The following GMDS variants were observed in gnomAD, a reference collection of about 807,000 sequenced individuals.
GMDS encodes GDP-mannose 4,6-dehydratase, also known as GDP-mannose 4,6 dehydratase.
A neutral mutation model predicts 49.9 loss-of-function variants in GMDS; 20 were observed. That is an observed-to-expected ratio of 0.40 (90% CI 0.28 to 0.58). The LOEUF is 0.58. Ranked by LOEUF, GMDS falls within the 20% of genes least tolerant of loss-of-function variation. The probability of loss-of-function intolerance (pLI) is 0.42; values close to 1 mark genes in which losing one functional copy is unlikely to be tolerated. For synonymous variants in GMDS, 177 were observed against 178.6 expected, an observed-to-expected ratio of 0.99 and a Z score of 0.07; for missense variants, 362 against 481.4, an observed-to-expected ratio of 0.75 and a Z score of 2.32.
At chr6:1,939,911 G>T (rs959331116) in intron 6 of GMDS, among the ~76,000 whole-genome samples, 2 of 152,234 alleles carry the variant, frequency 1.3e-5, no homozygotes, top group African/African-American at 4.8e-5. Flanking sequence ...TGCCGTAGAC[G>T]TAAGGAAGAA....
chr6:2,002,069 C>T (rs1238139602), intron 4 of GMDS, among the ~76,000 whole-genome samples: 1 of 152,114 alleles, frequency 6.6e-6, no homozygotes, highest in Non-Finnish European at 1.5e-5. Flanking sequence ...TGAATAATCA[C>T]AATTGTTTAA....
intron 7 of GMDS, among the ~76,000 whole-genome samples, chr6:1,828,652 A>T (rs1186010796): frequency 6.6e-6 from 1 of 152,244 alleles, no homozygotes; most frequent in East Asian, 1.9e-4. Flanking sequence ...CAAAGTGCTA[A>T]AACAAAAACA....
chr6:1,945,682 G>T (rs1412033674), intron 6 of GMDS, among the ~76,000 whole-genome samples: 1 of 152,140 alleles, frequency 6.6e-6, no homozygotes, highest in South Asian at 2.1e-4. Context: ...GGCTGAGGCA[G>T]GAAGATTGCT....
chr6:2,062,138 C>T (rs1771218180), intron 4 of GMDS, among the ~76,000 whole-genome samples: 1 of 152,152 alleles, frequency 6.6e-6, no homozygotes, highest in African/African-American at 2.4e-5. Flanking sequence ...ATATTCCCTG[C>T]AGCAGGTCCT....
intron 1 of GMDS, among the ~76,000 whole-genome samples, chr6:2,200,493 G>A (rs1779466658): frequency 6.7e-6 from 1 of 149,964 alleles, no homozygotes; most frequent in South Asian, 2.1e-4. Flanking sequence ...AGCACCACAT[G>A]GACATCCGAG....
chr6:2,136,815 A>C (rs1255178869), intron 1 of GMDS, among the ~76,000 whole-genome samples: 3 of 151,912 alleles, frequency 2.0e-5, no homozygotes, highest in African/African-American at 7.2e-5. Context: ...GGACAGGAGA[A>C]TTGCCTGAGC....
intron 4 of GMDS, among the ~76,000 whole-genome samples, chr6:2,065,061 T>C (rs9503085): frequency 0.043 from 6,556 of 151,896 alleles, 283 homozygotes; most frequent in East Asian, 0.12. Flanking sequence ...TCTCCCAGCA[T>C]GCAGCTGGAG....
intron 7 of GMDS, among the ~76,000 whole-genome samples, chr6:1,802,974 G>C (rs1282364547): frequency 6.6e-6 from 1 of 152,200 alleles, no homozygotes; most frequent in East Asian, 1.9e-4. Flanking sequence ...GATAGCTGGA[G>C]AGCCACAATA....
At chr6:2,181,204 G>T (rs72830174) in intron 1 of GMDS, among the ~76,000 whole-genome samples, 1 of 146,990 alleles carries the variant, frequency 6.8e-6, no homozygotes, top group Non-Finnish European at 1.5e-5. Context: ...AAGACAGATC[G>T]ATGAAATTCC....
chr6:1,915,720 C>A (rs989290449), intron 7 of GMDS, among the ~76,000 whole-genome samples: 3 of 152,142 alleles, frequency 2.0e-5, no homozygotes, highest in Non-Finnish European at 4.4e-5. Flanking sequence ...ACTCAGCAAG[C>A]CTCTCTCTCT....
At chr6:2,051,109 T>C (rs1347743278) in intron 4 of GMDS, among the ~76,000 whole-genome samples, 1 of 151,464 alleles carries the variant, frequency 6.6e-6, no homozygotes, top group Admixed American at 6.6e-5. Context: ...AAATACAATT[T>C]AAAAAAAACA....
intron 8 of GMDS, among the ~76,000 whole-genome samples, chr6:1,729,076 C>G (rs2113449526): frequency 6.6e-6 from 1 of 152,296 alleles, no homozygotes; most frequent in East Asian, 1.9e-4. Context: ...TCACCCTCAG[C>G]TGAAGGAAAG....
intron 4 of GMDS, among the ~76,000 whole-genome samples, chr6:2,027,816 C>G (rs1476243016): frequency 2.0e-5 from 3 of 152,076 alleles, no homozygotes; most frequent in Admixed American, 6.5e-5. Context: ...ACAAAATGAT[C>G]TGCAAAATTT....
chr6:2,039,382 C>T (rs1769512205), intron 4 of GMDS, among the ~76,000 whole-genome samples: 1 of 152,066 alleles, frequency 6.6e-6, no homozygotes, highest in Admixed American at 6.6e-5. Context: ...GCACTGTACA[C>T]TTAGGCTATA....
At chr6:1,863,074 T>G (rs947849436) in intron 7 of GMDS, among the ~76,000 whole-genome samples, 3 of 152,192 alleles carry the variant, frequency 2.0e-5, no homozygotes, top group Non-Finnish European at 2.9e-5. Flanking sequence ...AAAAAGAAGC[T>G]TTTTTAGTAA....
At chr6:2,111,629 A>T (rs1774548472) in intron 4 of GMDS, among the ~76,000 whole-genome samples, 1 of 152,174 alleles carries the variant, frequency 6.6e-6, no homozygotes, top group African/African-American at 2.4e-5. Flanking sequence ...TACAAACAGA[A>T]GCCAACACAA....
In GMDS at chr6:2,117,511, T is replaced by C; in HGVS notation, c.193A>G (p.Ile65Val). ...TGGGGATTCTTATACAGATGCTCAA[T>C]TCGACCCGTATTAAATGAACTGGAC... ...RRSSSFNTGRIEHLYKNPQAH... is the reference protein window; with the variant it reads ...RRSSSFNTGRVEHLYKNPQAH... Residue 65 changes from isoleucine to valine, a missense_variant, in exon 3 of 11, where the codon ATT becomes GTT. Coordinates refer to ENST00000380815, the MANE Select transcript of GMDS (RefSeq NM_001500.4). 1 of 1,610,244 alleles carries C rather than the reference T, an allele frequency of 6.2e-7. No individual in the cohort carries two copies. Among genetic ancestry groups the C allele is most frequent in the Non-Finnish European group, 8.5e-7 (1 of 1,176,444 alleles).
At chr6:1,682,973 C>T (rs1764834796) in intron 9 of GMDS, among the ~76,000 whole-genome samples, 1 of 152,202 alleles carries the variant, frequency 6.6e-6, no homozygotes, top group South Asian at 2.1e-4. Flanking sequence ...CTAGAAGCCC[C>T]CAATATAAGA....
At chr6:1,645,140 T>C (rs1222497728) in intron 9 of GMDS, among the ~76,000 whole-genome samples, 1 of 152,004 alleles carries the variant, frequency 6.6e-6, no homozygotes, top group African/African-American at 2.4e-5. Context: ...TTCACCATGC[T>C]GGTCAGGCTG....
Sources: gnomAD v4.1 joint callset for allele counts (sites outside exome capture counted in the v4.1 genomes callset) on GRCh38, gnomAD v4.1.1 for gene constraint, MANE v1.5 for transcripts, NCBI Gene and HGNC (gene_info 2026-07-23, HGNC 2026-07-21) for gene names.